The following MTCH2 variants were observed in gnomAD, a reference collection of about 807,000 sequenced individuals.
MTCH2 encodes mitochondrial carrier homolog 2.
A neutral mutation model predicts 50.6 loss-of-function variants in MTCH2; 25 were observed. That is an observed-to-expected ratio of 0.49 (90% confidence interval 0.36 to 0.69). MTCH2 has a LOEUF of 0.69. Ranked by LOEUF, MTCH2 falls within the 30% of genes least tolerant of loss-of-function variation. MTCH2 has a pLI of 0.00. For synonymous variants in MTCH2, 106 were observed against 132.0 expected (o/e 0.80, Z 1.35); for missense variants, 273 against 384.4 (o/e 0.71, Z 2.42).
Position 47,640,785 on chromosome 11 carries a change from T to C in MTCH2, c.87+1594A>G, listed in dbSNP as rs557759139. ...AACTCCTGGGCTACTTGGCAACACA[T>C]AGATGTTGTGAAATCAGAATTAAGA... is the stretch of plus-strand genomic sequence containing the variant. On this transcript the variant is annotated intron_variant, in intron 1 of 12. Coordinates refer to ENST00000302503, the MANE Select transcript of MTCH2 (RefSeq NM_014342.4). Among the ~76,000 whole-genome samples the C allele has an allele frequency of 8.6e-5, 13 of 150,610 alleles. No individual in the cohort carries two copies. The South Asian group carries it at 1.7e-3, about 19-fold the overall frequency.
rs751595471 is a variant in MTCH2 at position 47,618,923 on chromosome 11, G to GAAAAC, written c.826-9_826-5dup. On this transcript the variant is annotated splice_polypyrimidine_tract_variant and splice_region_variant and intron_variant, in intron 12 of 12. Transcript: ENST00000302503. The stretch of plus-strand genomic sequence containing the variant: ...TATTTCCTCGGCTCATATTCCCCTG[G>GAAAAC]AAAACAAAACAAAACAAAACACAAA... 1.6e-5 allele frequency: 22 copies of GAAAAC among 1,407,906 alleles called. No homozygotes were observed. Among genetic ancestry groups the GAAAAC allele is most frequent in the African/African-American group, 1.1e-4 (5 of 45,252 alleles). The allele number at this position is 1,407,906 out of a possible 1,614,324, so 87.2% of individuals were successfully genotyped here.
the MTCH2 span, among the ~76,000 whole-genome samples, chr11:47,608,436 A>AGAT: frequency 1.3e-5 from 2 of 151,994 alleles, no homozygotes; most frequent in Non-Finnish European, 2.9e-5. Flanking sequence ...CGATTGGGGG[A>AGAT]GATGATGGAA....
At chr11:47,631,455 T>G (rs1461951696) in intron 6 of MTCH2, among the ~76,000 whole-genome samples, 199 bp downstream of exon 6, 1 of 152,048 alleles carries the variant, frequency 6.6e-6, no homozygotes, top group East Asian at 1.9e-4. Context: ...TTAAGATAGA[T>G]TTTGATAGCC....
At chr11:47,610,367 T>TATCA in the MTCH2 span, among the ~76,000 whole-genome samples, 1,040 of 152,266 alleles carry the variant, frequency 6.8e-3, 13 homozygotes, top group African/African-American at 0.023. Flanking sequence ...TTCTAATAAC[T>TATCA]ATCACATACC....
At chr11:47,631,770 A>C in intron 5 of MTCH2, 59 bp from the exon 6 acceptor site, 4 of 1,570,654 alleles carry the variant, frequency 2.5e-6, no homozygotes, top group African/African-American at 1.3e-5. Flanking sequence ...AATGCCTGTG[A>C]GAAGGAATGT....
rs147732170 is a variant in MTCH2 at position 47,629,456 on chromosome 11, A to G, written c.540-410T>C. 450 of 220,464 alleles carry G rather than the reference A, an allele frequency of 2.0e-3. 1 individual carries two copies. The highest frequency in any genetic ancestry group is 0.014 in the Middle Eastern group (7 of 508). 13.7% of individuals were successfully genotyped at this position (220,464 alleles called of 1,614,324 possible). On this transcript the variant is annotated intron_variant, in intron 8 of 12. Coordinates refer to ENST00000302503, the MANE Select transcript of MTCH2 (RefSeq NM_014342.4). The stretch of plus-strand genomic sequence containing the variant: ...GAGCAAAAGACGAGAAAAATTACAA[A>G]GCAAGAATGGTCCCAAGTACAGATA...
intron 8 of MTCH2, 98 bp downstream of exon 8, chr11:47,630,457 A>T (rs1226836547): frequency 9.2e-7 from 1 of 1,082,784 alleles, no homozygotes; most frequent in Non-Finnish European, 1.4e-6. Flanking sequence ...CCCAGGGAGT[A>T]CGTTTTCCCC....
At chr11:47,634,180 ATCT>A (rs1174318611) in intron 5 of MTCH2, among the ~76,000 whole-genome samples, 10 of 152,150 alleles carry the variant, frequency 6.6e-5, no homozygotes, top group Non-Finnish European at 1.2e-4. Flanking sequence ...GGCTTAAGTC[ATCT>A]TCTCACCGCA....
At chr11:47,635,988 C>T (rs892807398) in intron 3 of MTCH2, among the ~76,000 whole-genome samples, 6 of 151,852 alleles carry the variant, frequency 4.0e-5, no homozygotes, top group African/African-American at 1.2e-4. Context: ...ATTAGCGGAG[C>T]ATTGGGGCGC....
At chr11:47,642,086 G>A (rs1565979567) in intron 1 of MTCH2, among the ~76,000 whole-genome samples, 1 of 152,152 alleles carries the variant, frequency 6.6e-6, no homozygotes, top group Non-Finnish European at 1.5e-5. Flanking sequence ...ATCCACCTCA[G>A]TGACGAAGAA....
chr11:47,627,463 G>A (rs903320201), intron 9 of MTCH2, among the ~76,000 whole-genome samples: 5 of 151,222 alleles, frequency 3.3e-5, no homozygotes, highest in African/African-American at 4.9e-5. Context: ...GCTAAGAGAC[G>A]GTGTCTTGCT....
At chr11:47,608,495 C>T in the MTCH2 span, among the ~76,000 whole-genome samples, 1 of 152,172 alleles carries the variant, frequency 6.6e-6, no homozygotes, top group South Asian at 2.1e-4. Context: ...CACCCACTTT[C>T]TATTTATAAA....
intron 11 of MTCH2, among the ~76,000 whole-genome samples, chr11:47,624,231 C>CAAA (rs530030153): frequency 9.7e-5 from 6 of 62,140 alleles, no homozygotes; most frequent in African/African-American, 2.6e-4. Flanking sequence ...GACTCCATCT[C>CAAA]AAAAAAAAAA....
intron 11 of MTCH2, among the ~76,000 whole-genome samples, chr11:47,623,174 C>G (rs756864491): frequency 3.3e-5 from 5 of 151,618 alleles, no homozygotes; most frequent in Non-Finnish European, 7.4e-5. Context: ...AGTTCAAGAC[C>G]AGCCTGGCCA....
At chr11:47,640,066 T>C (rs1231154816) in intron 1 of MTCH2, among the ~76,000 whole-genome samples, 7 of 151,820 alleles carry the variant, frequency 4.6e-5, no homozygotes, top group Non-Finnish European at 5.9e-5. Flanking sequence ...TGGTGGCTCA[T>C]GCATGTAATC....
chr11:47,641,182 G>A (rs1598859096), intron 1 of MTCH2, among the ~76,000 whole-genome samples: 1 of 152,268 alleles, frequency 6.6e-6, no homozygotes. Context: ...GAGCGAACGC[G>A]CCCGGCCCCA....
At position 47,628,478 on chromosome 11, in the gene MTCH2, G is replaced by C. The variant is rs1208405345; in HGVS notation, c.633+475C>G. On this transcript the variant is annotated intron_variant, in intron 9 of 12. Transcript: ENST00000302503. Reference sequence around the variant, plus strand: ...AAACAGTATCGTTCTACAGTGAACAGTATGCTCATTTCATTAGCATTTGAA... The same window carrying C: ...AAACAGTATCGTTCTACAGTGAACACTATGCTCATTTCATTAGCATTTGAA... Among the ~76,000 whole-genome samples, 5 of 152,224 alleles carry C rather than the reference G, an allele frequency of 3.3e-5. No individual in the cohort carries two copies. In the East Asian group the frequency reaches 7.7e-4, roughly 23 times the overall value.
At chr11:47,620,780 C>T (rs897097634) in intron 12 of MTCH2, among the ~76,000 whole-genome samples, 1 of 152,204 alleles carries the variant, frequency 6.6e-6, no homozygotes, top group African/African-American at 2.4e-5. Flanking sequence ...GTAATTGGCA[C>T]TAAACTGCTC....
At chr11:47,628,742 T>C (rs1367696234) in intron 9 of MTCH2, among the ~76,000 whole-genome samples, 1 of 152,140 alleles carries the variant, frequency 6.6e-6, no homozygotes, top group East Asian at 1.9e-4. Flanking sequence ...GCCCAGCTAA[T>C]TTTTTCTGTA....
Sources: gnomAD v4.1 joint callset for allele counts (sites outside exome capture counted in the v4.1 genomes callset) on GRCh38, gnomAD v4.1.1 for gene constraint, MANE v1.5 for transcripts, NCBI Gene and HGNC (gene_info 2026-07-23, HGNC 2026-07-21) for gene names.